IQCM: variants seen among roughly 807,000 people sequenced by gnomAD.
IQCM encodes IQ domain-containing protein M.
IQCM carries 45 observed loss-of-function variants against 57.6 expected under a neutral mutation model. The observed-to-expected ratio is 0.78, with a 90% CI of 0.62 to 1.00. IQCM has a LOEUF of 1.00. Among genes scored for constraint, IQCM ranks in the 50% least tolerant of loss-of-function variants. The pLI is 0.00. For synonymous variants in IQCM, 148 were observed against 158.9 expected (o/e 0.93, Z 0.51); for missense variants, 468 against 511.6 (o/e 0.91, Z 0.82).
intron 13 of IQCM, among the ~76,000 whole-genome samples, chr4:149,373,211 A>C (rs1730480799): frequency 1.3e-5 from 2 of 152,176 alleles, no homozygotes; most frequent in African/African-American, 2.4e-5. Flanking sequence ...CTACCCTTAC[A>C]TGACACCTAC....
chr4:149,442,951 CACAGAGAG>C (rs200655629), intron 12 of IQCM, among the ~76,000 whole-genome samples: 36,827 of 108,694 alleles, frequency 0.34, 4,564 homozygotes, highest in East Asian at 0.4. Flanking sequence ...CACACACACA[CACAGAGAG>C]AGAGAGAGAG....
intron 12 of IQCM, among the ~76,000 whole-genome samples, chr4:149,503,446 CA>C: frequency 6.6e-6 from 1 of 151,886 alleles, no homozygotes; most frequent in East Asian, 1.9e-4. Flanking sequence ...TGAGGGGAAC[CA>C]AAATCAAAGT....
chr4:149,591,786 C>T (rs1412942301), intron 8 of IQCM, among the ~76,000 whole-genome samples: 1 of 152,126 alleles, frequency 6.6e-6, no homozygotes, highest in Non-Finnish European at 1.5e-5. Flanking sequence ...ATGAACTCAT[C>T]CTTTTTTATG....
intron 12 of IQCM, among the ~76,000 whole-genome samples, chr4:149,495,807 C>T (rs1742596062): frequency 6.6e-6 from 1 of 152,072 alleles, no homozygotes; most frequent in South Asian, 2.1e-4. Context: ...AATACTTCTC[C>T]TCAGATGTAA....
At chr4:149,718,108 T>C (rs1054596881) in intron 5 of IQCM, among the ~76,000 whole-genome samples, 1 of 152,182 alleles carries the variant, frequency 6.6e-6, no homozygotes, top group Non-Finnish European at 1.5e-5. Flanking sequence ...GAAGGGTAAG[T>C]TTAATCCTGG....
chr4:149,599,827 C>T (rs535411291), intron 8 of IQCM, among the ~76,000 whole-genome samples: 109 of 152,202 alleles, frequency 7.2e-4, no homozygotes, highest in Non-Finnish European at 1.4e-3. Context: ...TTAAATTGTA[C>T]AAGTCTGTAA....
At chr4:149,760,009 C>G (rs958736028) in intron 2 of IQCM, among the ~76,000 whole-genome samples, 3 of 102,510 alleles carry the variant, frequency 2.9e-5, no homozygotes, top group Non-Finnish European at 5.7e-5. Flanking sequence ...AGGTTCTAGA[C>G]AGAAGGAAGG....
chr4:149,367,501 A>T (rs1729925346), intron 13 of IQCM, among the ~76,000 whole-genome samples: 1 of 152,026 alleles, frequency 6.6e-6, no homozygotes, highest in Admixed American at 6.6e-5. Flanking sequence ...CAACTAGTGT[A>T]TCTCTAATTC....
At chr4:149,678,448 T>TA (rs983115562) in intron 7 of IQCM, among the ~76,000 whole-genome samples, 16 of 151,826 alleles carry the variant, frequency 1.1e-4, no homozygotes, top group African/African-American at 3.9e-4. Flanking sequence ...AGTTCTAATA[T>TA]AAAAAACTGA....
At chr4:149,503,367 T>C (rs1284352420) in intron 12 of IQCM, among the ~76,000 whole-genome samples, 2 of 152,148 alleles carry the variant, frequency 1.3e-5, no homozygotes, top group African/African-American at 4.8e-5. Context: ...CGGCTATACA[T>C]AGCAGTGATA....
At chr4:149,571,720 C>A (rs936861017) in intron 9 of IQCM, among the ~76,000 whole-genome samples, 1 of 152,004 alleles carries the variant, frequency 6.6e-6, no homozygotes, top group Admixed American at 6.6e-5. Flanking sequence ...CATATATATA[C>A]TTCGAAGCAT....
chr4:149,400,330 C>T (rs1228631279), intron 13 of IQCM, among the ~76,000 whole-genome samples: 1 of 151,578 alleles, frequency 6.6e-6, no homozygotes, highest in African/African-American at 2.4e-5. Flanking sequence ...AAAAACAAAG[C>T]CTTAAAAGTT....
chr4:149,650,813 T>C (rs987732037), intron 7 of IQCM, among the ~76,000 whole-genome samples: 2 of 152,174 alleles, frequency 1.3e-5, no homozygotes, highest in African/African-American at 4.8e-5. Flanking sequence ...AACATAAAAG[T>C]ACAGATTGGC....
At chr4:149,508,338 C>A (rs528403398) in intron 12 of IQCM, among the ~76,000 whole-genome samples, 226 of 152,236 alleles carry the variant, frequency 1.5e-3, no homozygotes, top group African/African-American at 5.2e-3. Flanking sequence ...GGAAAAGCTG[C>A]AGACACTCAA....
At chr4:149,773,868 T>G (rs1770822613) in intron 2 of IQCM, among the ~76,000 whole-genome samples, 1 of 152,228 alleles carries the variant, frequency 6.6e-6, no homozygotes, top group Admixed American at 6.5e-5. Flanking sequence ...CCTTTGGTGT[T>G]TTTTGTTTGT....
intron 12 of IQCM, among the ~76,000 whole-genome samples, chr4:149,447,007 T>C (rs1285624871): frequency 6.6e-6 from 1 of 151,526 alleles, no homozygotes; most frequent in Non-Finnish European, 1.5e-5. Context: ...GAGAGCAAAG[T>C]GGCCCTTCCT....
chr4:149,712,287 C>A (rs755937135), intron 5 of IQCM, among the ~76,000 whole-genome samples: 1 of 151,964 alleles, frequency 6.6e-6, no homozygotes, highest in African/African-American at 2.4e-5. Flanking sequence ...TGTTTTGCAC[C>A]GGACAGTGAT....
At chr4:149,621,337 T>G in intron 7 of IQCM, 93 bp from the exon 8 acceptor site, 1 of 472,260 alleles carries the variant, frequency 2.1e-6, no homozygotes, top group East Asian at 3.5e-5. Flanking sequence ...GTAAAGCAAA[T>G]CATCTTTATG....
chr4:149,524,181 C>T (rs1312461680), intron 12 of IQCM, among the ~76,000 whole-genome samples: 1 of 152,060 alleles, frequency 6.6e-6, no homozygotes. Flanking sequence ...CTGTATGATT[C>T]CCCTAACAAG....
Sources: allele counts gnomAD v4.1 joint callset (sites outside exome capture counted in the v4.1 genomes callset), GRCh38; gene constraint gnomAD v4.1.1; transcripts MANE v1.5; gene names NCBI Gene and HGNC (gene_info 2026-07-23, HGNC 2026-07-21).